The following ZBTB20 variants were observed in gnomAD, a reference collection of about 807,000 sequenced individuals.
ZBTB20 encodes zinc finger and BTB domain containing 20, also known as zinc finger and BTB domain-containing protein 20.
A neutral mutation model predicts 56.9 loss-of-function variants in ZBTB20; 9 were observed. That is an observed-to-expected ratio of 0.16 (90% confidence interval 0.10 to 0.28). ZBTB20 has a LOEUF of 0.28. ZBTB20 is among the 10% of genes least tolerant of loss of function. The pLI is 1.00. For synonymous variants in ZBTB20, 417 were observed against 420.7 expected (o/e 0.99, Z 0.11); for missense variants, 655 against 1,003.0 (o/e 0.65, Z 4.69).
intron 4 of ZBTB20, among the ~76,000 whole-genome samples, chr3:114,818,218 T>C (rs566249792): frequency 6.6e-6 from 1 of 152,276 alleles, no homozygotes; most frequent in African/African-American, 2.4e-5. Context: ...TGTTTCAATA[T>C]AAAAACTCAT....
Position 114,722,095 on chromosome 3 carries a change from GA to G in ZBTB20, c.-342-28521del, listed in dbSNP as rs1260539833. 2.0e-5 allele frequency among the ~76,000 whole-genome samples: 3 copies of G among 152,278 alleles called. No homozygotes were observed. The East Asian group carries it at 5.8e-4, about 29-fold the overall frequency. ...AATAACATGATGAATGAGTCAACTG[GA>G]GAAGTATTAATTGTAATAAGTGAGA... is the stretch of plus-strand genomic sequence containing the variant. On this transcript the variant is annotated intron_variant, in intron 5 of 11. Transcript: ENST00000675478.
At chr3:114,947,841 C>G (rs2076935057) in intron 3 of ZBTB20, among the ~76,000 whole-genome samples, 1 of 145,352 alleles carries the variant, frequency 6.9e-6, no homozygotes, top group Non-Finnish European at 1.5e-5. Flanking sequence ...ACAAAACTTT[C>G]TGACTCAAAT....
intron 7 of ZBTB20, among the ~76,000 whole-genome samples, chr3:114,439,299 C>T (rs1471678813): frequency 1.3e-5 from 2 of 152,048 alleles, no homozygotes; most frequent in Non-Finnish European, 2.9e-5. Context: ...GGTGTATGCA[C>T]ACAGGTTCAG....
chr3:114,403,950 G>C (rs2087050278), intron 7 of ZBTB20, among the ~76,000 whole-genome samples: 1 of 152,106 alleles, frequency 6.6e-6, no homozygotes, highest in African/African-American at 2.4e-5. Flanking sequence ...TGTTAGATTA[G>C]ATGGTTTTTA....
chr3:114,625,690 A>G (rs936887077), intron 6 of ZBTB20, among the ~76,000 whole-genome samples: 10 of 152,132 alleles, frequency 6.6e-5, no homozygotes, highest in Admixed American at 3.3e-4. Context: ...CTGTGACCAT[A>G]TTTCTACTCA....
intron 1 of ZBTB20, among the ~76,000 whole-genome samples, chr3:115,138,333 C>A (rs2084709797): frequency 6.6e-6 from 1 of 152,158 alleles, no homozygotes; most frequent in South Asian, 2.1e-4. Flanking sequence ...ATTCATTGTA[C>A]AACCTTTAGA....
At chr3:115,092,921 A>G (rs2083250495) in intron 1 of ZBTB20, among the ~76,000 whole-genome samples, 1 of 152,104 alleles carries the variant, frequency 6.6e-6, no homozygotes, top group African/African-American at 2.4e-5. Flanking sequence ...TTCCTTTATT[A>G]CCCACCCTAA....
chr3:114,785,348 A>C (rs1168405066), intron 5 of ZBTB20, among the ~76,000 whole-genome samples: 2 of 152,188 alleles, frequency 1.3e-5, no homozygotes, highest in Non-Finnish European at 2.9e-5. Flanking sequence ...TACAACAGGA[A>C]AGGATAATCT....
rs535068485 is a variant in ZBTB20, at chr3:114,332,327, A to G, written c.*6678T>C. 1.3e-5 allele frequency: 2 copies of G among 152,300 alleles called. No individual in the cohort carries two copies. Among genetic ancestry groups the G allele is most frequent in the African/African-American group, 4.8e-5 (2 of 41,566 alleles). 9.4% of individuals were successfully genotyped at this position (152,300 alleles called of 1,614,324 possible). On this transcript the variant is annotated 3_prime_UTR_variant, in exon 12 of 12. Coordinates refer to ENST00000675478, the MANE Select transcript of ZBTB20 (RefSeq NM_001348800.3). ...AAACAGATGTTCTCTAAAACTGAGG[A>G]AAAAAAGTTTAGAGATATACACTGT...
chr3:114,763,796 C>A (rs2068600639), intron 5 of ZBTB20, among the ~76,000 whole-genome samples: 1 of 151,956 alleles, frequency 6.6e-6, no homozygotes. Context: ...ATCAAAATAT[C>A]ACATTGTACC....
intron 7 of ZBTB20, among the ~76,000 whole-genome samples, chr3:114,390,609 C>T (rs532431219): frequency 6.6e-6 from 1 of 152,292 alleles, no homozygotes; most frequent in South Asian, 2.1e-4. Context: ...TTTGTCTACC[C>T]CAGTCCTCCC....
chr3:115,115,765 T>G (rs1228669145), intron 1 of ZBTB20, among the ~76,000 whole-genome samples: 5 of 152,072 alleles, frequency 3.3e-5, no homozygotes, highest in African/African-American at 1.2e-4. Flanking sequence ...TTGTAAAGTC[T>G]GTACTGAGTC....
intron 3 of ZBTB20, among the ~76,000 whole-genome samples, chr3:114,952,775 T>G (rs1386684662): frequency 6.6e-6 from 1 of 152,030 alleles, no homozygotes; most frequent in Non-Finnish European, 1.5e-5. Context: ...CACCCCTTTT[T>G]TAAAGGTCTG....
chr3:114,638,968 T>G (rs922263644), intron 6 of ZBTB20, among the ~76,000 whole-genome samples: 3 of 152,080 alleles, frequency 2.0e-5, no homozygotes, highest in African/African-American at 7.2e-5. Context: ...AACCAGCGTT[T>G]GTCAAATACC....
intron 11 of ZBTB20, among the ~76,000 whole-genome samples, chr3:114,347,489 A>G (rs969261179): frequency 6.6e-6 from 1 of 151,972 alleles, no homozygotes; most frequent in Non-Finnish European, 1.5e-5. Flanking sequence ...TTTTGCTTTG[A>G]ATTTTTATCA....
chr3:114,888,554 G>T (rs968703647), intron 4 of ZBTB20, among the ~76,000 whole-genome samples: 4 of 152,106 alleles, frequency 2.6e-5, no homozygotes, highest in African/African-American at 4.8e-5. Context: ...TGTTCCTGAA[G>T]AACTTGATTC....
intron 2 of ZBTB20, among the ~76,000 whole-genome samples, chr3:115,000,632 C>T (rs1475940604): frequency 6.6e-6 from 1 of 151,484 alleles, no homozygotes; most frequent in South Asian, 2.1e-4. Flanking sequence ...GTGGACAAGA[C>T]CAAAGAGAAC....
At chr3:114,634,868 C>T (rs1311953699) in intron 6 of ZBTB20, among the ~76,000 whole-genome samples, 1 of 152,160 alleles carries the variant, frequency 6.6e-6, no homozygotes, top group African/African-American at 2.4e-5. Flanking sequence ...TCCTATATTG[C>T]CTCATACTGT....
At chr3:115,065,074 A>C (rs1279726556) in intron 2 of ZBTB20, among the ~76,000 whole-genome samples, 2 of 151,944 alleles carry the variant, frequency 1.3e-5, no homozygotes, top group Admixed American at 1.3e-4. Flanking sequence ...CCCATTAATC[A>C]GATGTTCAGC....
Sources: allele counts gnomAD v4.1 joint callset (sites outside exome capture counted in the v4.1 genomes callset), GRCh38; gene constraint gnomAD v4.1.1; transcripts MANE v1.5; gene names NCBI Gene and HGNC (gene_info 2026-07-23, HGNC 2026-07-21).